PIK3CB: variants seen among roughly 807,000 people sequenced by gnomAD.
PIK3CB encodes the protein phosphatidylinositol-4,5-bisphosphate 3-kinase catalytic subunit beta, also known as phosphatidylinositol 4,5-bisphosphate 3-kinase catalytic subunit beta isoform.
In PIK3CB, 39 loss-of-function variants were observed where a neutral mutation model predicts 136.8. That is an observed-to-expected ratio of 0.29 (90% CI 0.22 to 0.37). PIK3CB has a LOEUF of 0.37. Among genes scored for constraint, PIK3CB ranks in the 10% least tolerant of loss-of-function variants. The pLI is 1.00. For missense variants in PIK3CB, 868 were observed against 1,275.4 expected (o/e 0.68, Z 4.87); for synonymous variants, 428 against 436.6 (o/e 0.98, Z 0.25).
intron 19 of PIK3CB, among the ~76,000 whole-genome samples, chr3:138,680,546 A>G (rs2043750766): frequency 6.6e-6 from 1 of 152,152 alleles, no homozygotes; most frequent in African/African-American, 2.4e-5. Flanking sequence ...CTGGATATAA[A>G]GAGTATAAAT....
At chr3:138,825,800 C>G in intron 1 of PIK3CB, 1 of 940,322 alleles carries the variant, frequency 1.1e-6, no homozygotes, top group South Asian at 1.5e-5. Context: ...GTCAATGTTA[C>G]AACTGAAGCA....
intron 3 of PIK3CB, 93 bp downstream of exon 3, chr3:138,759,080 T>C (rs927304890): frequency 7.6e-6 from 6 of 787,294 alleles, no homozygotes; most frequent in Non-Finnish European, 1.2e-5. Context: ...CATTATCACA[T>C]ATAATTTACA....
At chr3:138,779,910 T>G (rs1195545609) in intron 2 of PIK3CB, among the ~76,000 whole-genome samples, 1 of 152,102 alleles carries the variant, frequency 6.6e-6, no homozygotes, top group African/African-American at 2.4e-5. Context: ...ATCTCTAAAA[T>G]TAGAATTATG....
intron 3 of PIK3CB, among the ~76,000 whole-genome samples, chr3:138,758,089 G>A (rs2045605316): frequency 6.6e-6 from 1 of 152,250 alleles, no homozygotes; most frequent in African/African-American, 2.4e-5. Flanking sequence ...AAAAGGGAAT[G>A]AAACTAGGAT....
intron 21 of PIK3CB, among the ~76,000 whole-genome samples, chr3:138,660,072 A>G (rs2043266905): frequency 1.3e-5 from 2 of 150,812 alleles, no homozygotes; most frequent in Non-Finnish European, 3.0e-5. Flanking sequence ...TATTTATCAT[A>G]TTTTTTGGAG....
chr3:138,685,396 CAAAAAAAAAAAAA>C (rs398052626), intron 16 of PIK3CB, among the ~76,000 whole-genome samples: 8 of 58,352 alleles, frequency 1.4e-4, no homozygotes, highest in African/African-American at 5.9e-4. Flanking sequence ...GAAACTGTCT[CAAAAAAAAAAAAA>C]AAAAAAAAAA....
At chr3:138,663,633 C>T (rs1045001751) in intron 21 of PIK3CB, among the ~76,000 whole-genome samples, 4 of 152,106 alleles carry the variant, frequency 2.6e-5, no homozygotes, top group African/African-American at 7.2e-5. Context: ...CCGGCCGGCT[C>T]GGGATCCCAA....
At chr3:138,664,667 A>AT (rs1332342974) in intron 20 of PIK3CB, among the ~76,000 whole-genome samples, 1 of 152,148 alleles carries the variant, frequency 6.6e-6, no homozygotes, top group African/African-American at 2.4e-5. Context: ...CAAACATTGC[A>AT]TTTTTTAGTT....
intron 9 of PIK3CB, among the ~76,000 whole-genome samples, chr3:138,712,880 T>C (rs1460041575): frequency 2.0e-5 from 3 of 152,154 alleles, no homozygotes; most frequent in Non-Finnish European, 4.4e-5. Context: ...ATGAGAAATC[T>C]TTAATAATCC....
At chr3:138,784,859 G>A (rs2045959124) in intron 2 of PIK3CB, among the ~76,000 whole-genome samples, 1 of 152,160 alleles carries the variant, frequency 6.6e-6, no homozygotes, top group African/African-American at 2.4e-5. Flanking sequence ...ACCCCGTCTG[G>A]GAAGTGAGGA....
At chr3:138,775,372 TACAAA>T (rs1259381029) in intron 2 of PIK3CB, among the ~76,000 whole-genome samples, 16 of 152,306 alleles carry the variant, frequency 1.1e-4, no homozygotes, top group Non-Finnish European at 2.4e-4. Context: ...ATGAGGTAAT[TACAAA>T]ACAAAACGAA....
intron 2 of PIK3CB, among the ~76,000 whole-genome samples, chr3:138,774,315 G>A (rs1031720528): frequency 1.3e-5 from 2 of 152,236 alleles, no homozygotes; most frequent in African/African-American, 2.4e-5. Context: ...TAAGAGGTGG[G>A]GGTTGTTTTG....
chr3:138,747,610 CTG>C (rs1334706404), intron 4 of PIK3CB, among the ~76,000 whole-genome samples: 1 of 113,610 alleles, frequency 8.8e-6, no homozygotes, highest in Non-Finnish European at 2.0e-5. Flanking sequence ...GTCTAAATGT[CTG>C]TGTATGTAAG....
At chr3:138,767,193 A>G (rs1372964152) in intron 2 of PIK3CB, among the ~76,000 whole-genome samples, 1 of 152,146 alleles carries the variant, frequency 6.6e-6, no homozygotes, top group Non-Finnish European at 1.5e-5. Flanking sequence ...AACCAAAAAC[A>G]AAAACAAAAA....
At position 138,812,528 on chromosome 3, in the gene PIK3CB, C is replaced by T. The variant is rs564635837; in HGVS notation, c.-121-15961G>A. 1.4e-4 allele frequency among the ~76,000 whole-genome samples: 21 copies of T among 150,958 alleles called. No individual in the cohort carries two copies. The South Asian group carries it at 4.2e-3, about 30-fold the overall frequency. ...GGGATTACAGGCATGAGCCACTGTG[C>T]CTGGCTTTTTTTTTTTTGAGACGAA... On this transcript the variant is annotated intron_variant, in intron 1 of 23. Coordinates refer to ENST00000674063, the MANE Select transcript of PIK3CB (RefSeq NM_006219.3).
At chr3:138,779,182 T>C (rs1311202791) in intron 2 of PIK3CB, among the ~76,000 whole-genome samples, 1 of 150,614 alleles carries the variant, frequency 6.6e-6, no homozygotes. Context: ...GCCTCCTGGG[T>C]GCACGCCATT....
At chr3:138,714,880 A>G (rs149848788) in intron 8 of PIK3CB, among the ~76,000 whole-genome samples, 161 bp from the exon 9 acceptor site, 1 of 152,320 alleles carries the variant, frequency 6.6e-6, no homozygotes, top group African/African-American at 2.4e-5. Context: ...TAGAAAGCCT[A>G]CTTGTCTGCA....
chr3:138,746,268 A>AT (rs1176329861), intron 4 of PIK3CB, among the ~76,000 whole-genome samples: 2 of 152,030 alleles, frequency 1.3e-5, no homozygotes, highest in Admixed American at 6.6e-5. Flanking sequence ...CTCCTCAGTG[A>AT]TTTTTCTTAA....
intron 4 of PIK3CB, among the ~76,000 whole-genome samples, chr3:138,750,107 G>T (rs990482453): frequency 1.4e-4 from 22 of 151,988 alleles, no homozygotes; most frequent in African/African-American, 5.1e-4. Context: ...TCCAAATCCT[G>T]GGCTCAAGTG....
Sources: gnomAD v4.1 joint callset for allele counts (sites outside exome capture counted in the v4.1 genomes callset) on GRCh38, gnomAD v4.1.1 for gene constraint, MANE v1.5 for transcripts, NCBI Gene and HGNC (gene_info 2026-07-23, HGNC 2026-07-21) for gene names.